The following LRRC27 variants were observed in gnomAD, a reference collection of about 807,000 sequenced individuals.
The protein encoded by LRRC27 is leucine-rich repeat-containing protein 27.
LRRC27 carries 57 observed loss-of-function variants against 55.0 expected under a neutral mutation model. The observed-to-expected ratio is 1.04, with a 90% CI of 0.84 to 1.29. The LOEUF is 1.29. LRRC27 is among the 50% of genes most tolerant of loss of function. LRRC27 has a pLI of 0.00. For missense variants in LRRC27, 721 were observed against 651.5 expected (o/e 1.11, Z -1.16); for synonymous variants, 278 against 251.9 (o/e 1.10, Z -0.98).
rs999935395 is a variant in LRRC27, at chr10:132,376,702, A to T, written c.*1460A>T. The T allele has an allele frequency of 6.6e-6, 1 of 152,296 alleles. No individual in the cohort carries two copies. Among genetic ancestry groups the T allele is most frequent in the Non-Finnish European group, 1.5e-5 (1 of 68,070 alleles). 9.4% of individuals were successfully genotyped at this position (152,296 alleles called of 1,614,324 possible). ...GCCTCGCCCCGCGGCCTGCCGCAGGATATGTTTTGGTAAATGTAGACTGTG... is the reference window on the plus strand; with the variant it reads ...GCCTCGCCCCGCGGCCTGCCGCAGGTTATGTTTTGGTAAATGTAGACTGTG... On this transcript the variant is annotated 3_prime_UTR_variant, in exon 11 of 11. Coordinates refer to ENST00000368614, the MANE Select transcript of LRRC27 (RefSeq NM_030626.3).
At chr10:132,369,260 A>T (rs1006729048) in intron 10 of LRRC27, among the ~76,000 whole-genome samples, 3 of 152,128 alleles carry the variant, frequency 2.0e-5, no homozygotes, top group African/African-American at 7.2e-5. Context: ...CAGTAATCAC[A>T]CTCCTTGGTG....
upstream of LRRC27, chr10:132,331,891 G>A (rs753799400): frequency 2.0e-6 from 2 of 1,018,362 alleles, no homozygotes; most frequent in East Asian, 5.5e-5. Context: ...ACCACCCCCT[G>A]CCACCCCCGC....
At chr10:132,337,276 A>G in intron 2 of LRRC27, 4 of 1,217,326 alleles carry the variant, frequency 3.3e-6, no homozygotes, top group Non-Finnish European at 4.1e-6. Flanking sequence ...ACCATGTCAA[A>G]GGCTTTGGGA....
At chr10:132,337,523 G>A (rs772267471) in intron 2 of LRRC27, 42 bp from the exon 3 acceptor site, 41 of 1,606,288 alleles carry the variant, frequency 2.6e-5, no homozygotes, top group Non-Finnish European at 2.6e-6. Context: ...TTACAAATTA[G>A]TTGGTTAACA....
In LRRC27 at chr10:132,365,026, G is replaced by A. The variant is rs538132269; in HGVS notation, c.1290-398G>A. Among the ~76,000 whole-genome samples, 23 of 152,364 alleles carry A rather than the reference G, an allele frequency of 1.5e-4. No individual in the cohort carries two copies. The South Asian group carries it at 4.8e-3, about 32-fold the overall frequency. Reference sequence around the variant, plus strand: ...AAATCATAATTGAATACACTTTTCTGTTTGTCTGTTTAAGGATTTAGGAAA... The same window carrying A: ...AAATCATAATTGAATACACTTTTCTATTTGTCTGTTTAAGGATTTAGGAAA... On this transcript the variant is annotated intron_variant, in intron 9 of 10. Transcript: ENST00000368614.
At chr10:132,355,921 C>T in intron 8 of LRRC27, 35 bp downstream of exon 8, 2 of 1,448,060 alleles carry the variant, frequency 1.4e-6, no homozygotes, top group Non-Finnish European at 9.5e-7. Flanking sequence ...GGGCACTAGT[C>T]CAGTCCCGGG....
chr10:132,365,928 C>T (rs956172419), intron 10 of LRRC27, among the ~76,000 whole-genome samples: 7 of 152,254 alleles, frequency 4.6e-5, no homozygotes, highest in Non-Finnish European at 7.3e-5. Flanking sequence ...CACTGTGCCT[C>T]TTCAGAGCAT....
rs1412626912 is a variant in LRRC27, at chr10:132,374,624, T to G, written c.1417-442T>G. On this transcript the variant is annotated intron_variant, in intron 10 of 10. Coordinates refer to ENST00000368614, the MANE Select transcript of LRRC27 (RefSeq NM_030626.3). The surrounding 1 kb of genome is among the most constrained non-coding windows in gnomAD (Gnocchi z 4.4). ...TGGGGGTGGCAATTGTGGCCCCATC[T>G]GCTTCCCAGGACAGTTACGGCTCTA... Among the ~76,000 whole-genome samples the G allele has an allele frequency of 6.6e-6, 1 of 152,226 alleles. No individual in the cohort carries two copies. Among genetic ancestry groups the G allele is most frequent in the Non-Finnish European group, 1.5e-5 (1 of 68,026 alleles).
intron 5 of LRRC27, among the ~76,000 whole-genome samples, chr10:132,347,695 G>C (rs2067784998): frequency 1.3e-5 from 2 of 151,190 alleles, no homozygotes; most frequent in Non-Finnish European, 3.0e-5. Flanking sequence ...GGTGCCTGCG[G>C]GGAGGGTCAG....
At chr10:132,343,271 C>T (rs1259869364) in intron 4 of LRRC27, among the ~76,000 whole-genome samples, 1 of 152,178 alleles carries the variant, frequency 6.6e-6, no homozygotes, top group Non-Finnish European at 1.5e-5. Context: ...GCTCTGATTG[C>T]ACCACTATAC....
intron 10 of LRRC27, among the ~76,000 whole-genome samples, chr10:132,373,167 G>A (rs1163905787): frequency 6.6e-6 from 1 of 152,134 alleles, no homozygotes; most frequent in Non-Finnish European, 1.5e-5. Context: ...TTTAATATGT[G>A]GCAAAAAATT....
rs968887695 is a variant in LRRC27 at position 132,344,802 on chromosome 10, A to G, written c.553+152A>G. 5 of 684,370 alleles carry G rather than the reference A, an allele frequency of 7.3e-6. No homozygotes were observed. In the South Asian group the frequency reaches 1.4e-4, roughly 19 times the overall value. 42.4% of individuals were successfully genotyped at this position (684,370 alleles called of 1,614,324 possible). ...AGTTGACACAGTGTACACTGATCTC[A>G]GGCCGACCCAGTCATCTCTGTGACT... On this transcript the variant is annotated intron_variant, in intron 5 of 10. Transcript: ENST00000368614.
intron 10 of LRRC27, among the ~76,000 whole-genome samples, chr10:132,371,038 A>T (rs925883101): frequency 2.0e-5 from 3 of 152,252 alleles, no homozygotes; most frequent in Non-Finnish European, 4.4e-5. Flanking sequence ...GCGGGCACGC[A>T]TGTGCGTGAG....
chr10:132,362,452 C>T (rs1398231236), intron 9 of LRRC27, among the ~76,000 whole-genome samples: 1 of 152,176 alleles, frequency 6.6e-6, no homozygotes, highest in East Asian at 1.9e-4. Flanking sequence ...GTTCACGGGG[C>T]AGGACACGCT....
At chr10:132,336,230 C>T (rs762232670) in intron 2 of LRRC27, among the ~76,000 whole-genome samples, 4 of 152,206 alleles carry the variant, frequency 2.6e-5, no homozygotes, top group East Asian at 3.9e-4. Context: ...GGGGGAAGAA[C>T]AGGACCAAGA....
In LRRC27 at chr10:132,370,554, G is replaced by C. The variant is rs982607866; in HGVS notation, c.1417-4512G>C. On this transcript the variant is annotated intron_variant, in intron 10 of 10. Coordinates refer to ENST00000368614, the MANE Select transcript of LRRC27 (RefSeq NM_030626.3). ...TGTGTTGAGACAGGTGGTGTTGGCT[G>C]TCCACAAGCTCCAGCCATCCTTCTC... 2.6e-5 allele frequency among the ~76,000 whole-genome samples: 4 copies of C among 152,294 alleles called. No individual in the cohort carries two copies. In the South Asian group the frequency reaches 6.2e-4, roughly 24 times the overall value.
In LRRC27 at chr10:132,379,145, C is replaced by G. The variant is rs1029117794; in HGVS notation, c.*3903C>G. The G allele has an allele frequency of 3.3e-5, 5 of 152,750 alleles. No individual in the cohort carries two copies. Among genetic ancestry groups the G allele is most frequent in the African/African-American group, 1.2e-4 (5 of 40,284 alleles). The allele number at this position is 152,750 out of a possible 1,614,324, so 9.5% of individuals were successfully genotyped here. ...GCTCCTCTCCAGCATTTCCTCTCAC[C>G]TCCGTGTTCTCGGGGAGTGCGTGGT... On this transcript the variant is annotated 3_prime_UTR_variant, in exon 11 of 11. Coordinates refer to ENST00000368614, the MANE Select transcript of LRRC27 (RefSeq NM_030626.3).
At chr10:132,353,497 A>G (rs963778868) in intron 7 of LRRC27, 5 of 824,270 alleles carry the variant, frequency 6.1e-6, no homozygotes, top group Non-Finnish European at 7.4e-6. Flanking sequence ...CAATGTCCAG[A>G]GAGACATTGT....
rs936429336 is a variant in LRRC27, at chr10:132,355,893, C to T, written c.1170+7C>T. On this transcript the variant is annotated splice_region_variant and intron_variant, in intron 8 of 10. Transcript: ENST00000368614. The stretch of plus-strand genomic sequence containing the variant: ...GCCTCCGCGGAGGAGCATGGTACGG[C>T]ACGCGCGGGCGGTGACCGGGCACTA... 1.3e-6 allele frequency: 2 copies of T among 1,547,304 alleles called. No homozygotes were observed. Among genetic ancestry groups the T allele is most frequent in the African/African-American group, 1.4e-5 (1 of 72,922 alleles).
Sources: allele counts gnomAD v4.1 joint callset (sites outside exome capture counted in the v4.1 genomes callset), GRCh38; gene constraint gnomAD v4.1.1; non-coding constraint Gnocchi (gnomAD v3.1); transcripts MANE v1.5; gene names NCBI Gene and HGNC (gene_info 2026-07-23, HGNC 2026-07-21).